Variants in MTHFSD observed in about 807,000 individuals in gnomAD.
MTHFSD encodes the protein methenyltetrahydrofolate synthetase domain containing.
Under a neutral mutation model 31.1 loss-of-function variants are expected in MTHFSD, and 37 were observed. That is an observed-to-expected ratio of 1.19 (90% CI 0.91 to 1.56). The LOEUF (loss-of-function observed/expected upper bound fraction) is 1.56. Among genes scored for constraint, MTHFSD ranks in the 40% most tolerant of loss-of-function variants. The pLI is 0.00. For missense variants in MTHFSD, 664 were observed against 510.1 expected (o/e 1.30, Z -2.91); for synonymous variants, 221 against 206.9 (o/e 1.07, Z -0.59).
intron 3 of MTHFSD, among the ~76,000 whole-genome samples, chr16:86,549,342 A>G (rs1449895863): frequency 6.6e-6 from 1 of 152,272 alleles, no homozygotes; most frequent in Non-Finnish European, 1.5e-5. Flanking sequence ...AGGCAATCAT[A>G]AGATCTGTGA....
intron 6 of MTHFSD, 73 bp from the exon 7 acceptor site, chr16:86,541,895 G>A (rs961510225): frequency 1.3e-6 from 2 of 1,583,480 alleles, no homozygotes; most frequent in African/African-American, 2.7e-5. Context: ...CCCGCTCGGT[G>A]GGAACGTGAG....
chr16:86,530,588 G>A lies in MTHFSD; in HGVS notation c.*1423C>T, dbSNP rs143871194. The A allele has an allele frequency of 1.8e-3, 275 of 151,728 alleles. No homozygotes were observed. The highest frequency in any genetic ancestry group is 6.5e-3 in the African/African-American group (266 of 41,222). The allele number at this position is 151,728 out of a possible 1,614,324, so 9.4% of individuals were successfully genotyped here. A position where few individuals can be genotyped will look rare whatever the true frequency, so the allele number is the denominator to read the frequency against. On this transcript the variant is annotated 3_prime_UTR_variant, in exon 8 of 8. Coordinates refer to ENST00000360900, the MANE Select transcript of MTHFSD (RefSeq NM_001159377.2). ...CTTCTCCTGGAGTTGCTATTCTAAC[G>A]GCAGCAAATCCACAGGAAAAAGGTA...
At position 86,532,444 on chromosome 16, in the gene MTHFSD, C is replaced by A. The variant is rs766634129; in HGVS notation, c.719G>T (p.Arg240Met). Residue 240 changes from arginine (R) to methionine (M), a missense_variant, in exon 8 of 8, where the codon AGG (arginine) becomes ATG (methionine). Physicochemically the swap from Arg to Met is moderately conservative, Grantham distance 91 (BLOSUM62 -1). Coordinates refer to ENST00000360900, the MANE Select transcript of MTHFSD (RefSeq NM_001159377.2). ...CTGCTGCTCTCGGGCGCGGAGGCTC[C>A]TCAGTATGGGGATTTTCTCCATCAT... Reference protein sequence around the residue: ...LEMMEKIPILRSLRAREQQAG... With the variant: ...LEMMEKIPILMSLRAREQQAG... 6.9e-7 allele frequency: 1 copy of A among 1,456,812 alleles called. No homozygotes were observed. The highest frequency in any genetic ancestry group is 1.5e-5 in the South Asian group (1 of 68,224). The allele number at this position is 1,456,812 out of a possible 1,614,324, so 90.2% of individuals were successfully genotyped here. A position where few individuals can be genotyped will look rare whatever the true frequency, so the allele number is the denominator to read the frequency against.
rs377272159 is a variant in MTHFSD at position 86,536,949 on chromosome 16, C to T, written c.682-4468G>A. On this transcript the variant is annotated intron_variant, in intron 7 of 7. Transcript: ENST00000360900. ...GGCTGTTCCGGTGTCACCCTACACA[C>T]GTCTGTGCGTGAGTTTTAAGAACTG... is the stretch of plus-strand genomic sequence containing the variant. 1.2e-4 allele frequency among the ~76,000 whole-genome samples: 18 copies of T among 152,318 alleles called. 1 individual carries two copies. The highest frequency in any genetic ancestry group is 3.1e-4 in the African/African-American group (13 of 41,552).
intron 1 of MTHFSD, 141 bp downstream of exon 1, chr16:86,555,028 A>C: frequency 6.9e-7 from 1 of 1,441,478 alleles, no homozygotes; most frequent in Non-Finnish European, 9.1e-7. Context: ...AACCCAGCAC[A>C]GACCCCCTCT....
At chr16:86,536,783 C>T (rs55997273) in intron 7 of MTHFSD, among the ~76,000 whole-genome samples, 24,726 of 152,292 alleles carry the variant, frequency 0.16, 2,062 homozygotes, top group South Asian at 0.3. Context: ...GCGGGAGTGG[C>T]TGCCTCCCTC....
At chr16:86,532,558 G>A in intron 7 of MTHFSD, 77 bp from the exon 8 acceptor site, 3 of 1,192,806 alleles carry the variant, frequency 2.5e-6, no homozygotes, top group South Asian at 1.9e-5. Context: ...CCACACCTCT[G>A]ACTACTGGCT....
At chr16:86,546,759 A>T in intron 4 of MTHFSD, 110 bp from the exon 5 acceptor site, 1 of 901,282 alleles carries the variant, frequency 1.1e-6, no homozygotes, top group South Asian at 1.4e-5. Context: ...GACAAAACAG[A>T]TGCAGGCACA....
Position 86,535,087 on chromosome 16 carries a change from C to T in MTHFSD, c.682-2606G>A, listed in dbSNP as rs150407351. On this transcript the variant is annotated intron_variant, in intron 7 of 7. Coordinates refer to ENST00000360900, the MANE Select transcript of MTHFSD (RefSeq NM_001159377.2). ...CAAATATATCCTTCCGTGCACATCA[C>T]AGGGAGCTCCTTTATTCTGAGCCAG... The T allele has an allele frequency of 7.4e-3, 2,181 of 294,130 alleles. 52 individuals carry two copies. The highest frequency in any genetic ancestry group is 0.047 in the African/African-American group (2,039 of 43,702). 18.2% of individuals were successfully genotyped at this position (294,130 alleles called of 1,614,324 possible). A position where few individuals can be genotyped will look rare whatever the true frequency, so the allele number is the denominator to read the frequency against.
chr16:86,547,334 G>GT, intron 4 of MTHFSD: 1 of 985,688 alleles, frequency 1.0e-6, no homozygotes, highest in Non-Finnish European at 1.2e-6. Context: ...CACGGTTTAT[G>GT]TAAGACTCAG....
chr16:86,541,735 A>G lies in MTHFSD; in HGVS notation c.643T>C (p.Cys215Arg). 6.2e-7 allele frequency: 1 copy of G among 1,614,052 alleles called. No individual in the cohort carries two copies. The highest frequency in any genetic ancestry group is 8.5e-7 in the Non-Finnish European group (1 of 1,179,986). Residue 215 changes from cysteine to arginine, a missense_variant, in exon 7 of 8, where the codon TGC (cysteine) becomes CGC (arginine). Physicochemically the swap from Cys to Arg is radical, Grantham distance 180. Coordinates refer to ENST00000360900, the MANE Select transcript of MTHFSD (RefSeq NM_001159377.2). ...ATTCCCATTGGCTTTGGGCGCTTGC[A>G]GCCTGTGGCGATGACTCTGGTTGGA... The part of the protein sequence containing the change: ...LTPTRVIATG[C>R]KRPKPMGITW...
chr16:86,532,051 G>C lies in MTHFSD; in HGVS notation c.1112C>G (p.Thr371Ser). ...CTGCCTGGCCAGCGCCACCCTCAGG[G>C]TGTCGGTGCCCAGGCGCAGGCCCTG... ...CLQGLRLGTD[T>S]LRVALARQQR... The change falls in exon 8 of 8, where the codon ACC (threonine) becomes AGC (serine). Residue 371 changes from threonine (T) to serine (S), a missense_variant. Physicochemically the swap from Thr to Ser is moderately conservative, Grantham distance 58. Coordinates refer to ENST00000360900, the MANE Select transcript of MTHFSD (RefSeq NM_001159377.2). 3 of 1,506,456 alleles carry C rather than the reference G, an allele frequency of 2.0e-6. No individual in the cohort carries two copies. The highest frequency in any genetic ancestry group is 1.8e-6 in the Non-Finnish European group (2 of 1,130,580). The allele number at this position is 1,506,456 out of a possible 1,614,324, so 93.3% of individuals were successfully genotyped here.
At position 86,542,859 on chromosome 16, in the gene MTHFSD, G is replaced by C. The variant is rs1971714492; in HGVS notation, c.443-646C>G. On this transcript the variant is annotated intron_variant, in intron 5 of 7. Transcript: ENST00000360900. This position sits in a 1 kb window ranked among gnomAD's most constrained non-coding sequence, Gnocchi z 4.6. ...TCAGCTATTCAGAGACAAAAATGCA[G>C]GAAGACAGGATACATCAAATGCCTT... Among the ~76,000 whole-genome samples, 1 of 152,202 alleles carries C rather than the reference G, an allele frequency of 6.6e-6. No homozygotes were observed. The highest frequency in any genetic ancestry group is 2.1e-4 in the South Asian group (1 of 4,834).
intron 3 of MTHFSD, 70 bp downstream of exon 3, chr16:86,551,963 G>A: frequency 6.2e-7 from 1 of 1,600,952 alleles, no homozygotes; most frequent in African/African-American, 1.3e-5. Flanking sequence ...CGTGTGCACT[G>A]ACCAGCTACC....
intron 2 of MTHFSD, 70 bp from the exon 3 acceptor site, chr16:86,552,216 T>C (rs530087092): frequency 1.2e-6 from 2 of 1,613,644 alleles, no homozygotes; most frequent in South Asian, 2.2e-5. Context: ...CTGGGGGGCA[T>C]CAGGATTTAC....
At chr16:86,554,174 C>T (rs181173527) in intron 2 of MTHFSD, among the ~76,000 whole-genome samples, 2 of 152,130 alleles carry the variant, frequency 1.3e-5, no homozygotes, top group Non-Finnish European at 2.9e-5. Context: ...TGCTGCTGCT[C>T]ATTCTTTGAG....
chr16:86,544,602 T>C (rs1018956744), intron 5 of MTHFSD, among the ~76,000 whole-genome samples: 7 of 152,180 alleles, frequency 4.6e-5, no homozygotes, highest in Non-Finnish European at 1.0e-4. Flanking sequence ...TTTTACACTG[T>C]TGGTGGGAAG....
rs542446691 is a variant in MTHFSD at position 86,554,636 on chromosome 16, T to A, written c.123+9A>T. ...TTTCCTTTTCTGGACTCCAGAAATATGTCAGTACCTTAAAGTTGGGTATCC... is the reference window on the plus strand; with the variant it reads ...TTTCCTTTTCTGGACTCCAGAAATAAGTCAGTACCTTAAAGTTGGGTATCC... On this transcript the variant is annotated intron_variant, in intron 2 of 7. Coordinates refer to ENST00000360900, the MANE Select transcript of MTHFSD (RefSeq NM_001159377.2). 1.2e-6 allele frequency: 2 copies of A among 1,602,914 alleles called. No individual in the cohort carries two copies. The highest frequency in any genetic ancestry group is 1.7e-6 in the Non-Finnish European group (2 of 1,171,330).
In MTHFSD at chr16:86,541,194, C is replaced by G. The variant is rs748719636; in HGVS notation, c.681+503G>C. On this transcript the variant is annotated intron_variant, in intron 7 of 7. Transcript: ENST00000360900. ...ACTAATTTGCAACCTGTGCCATTAC[C>G]TAATCTGGAGATAAAAACCACAAAT... The G allele has an allele frequency of 6.2e-6, 8 of 1,289,608 alleles. No homozygotes were observed. In the South Asian group the frequency reaches 8.6e-5, roughly 14 times the overall value. The allele number at this position is 1,289,608 out of a possible 1,614,324, so 79.9% of individuals were successfully genotyped here. A position where few individuals can be genotyped will look rare whatever the true frequency, so the allele number is the denominator to read the frequency against.
Sources: gnomAD v4.1 joint callset for allele counts (sites outside exome capture counted in the v4.1 genomes callset) on GRCh38, gnomAD v4.1.1 for gene constraint, Gnocchi (gnomAD v3.1) non-coding constraint, MANE v1.5 for transcripts, NCBI Gene and HGNC (gene_info 2026-07-23, HGNC 2026-07-21) for gene names.